The following MSRB3 variants were observed in gnomAD, a reference collection of about 807,000 sequenced individuals.
MSRB3 encodes the protein methionine sulfoxide reductase B3.
A neutral mutation model predicts 21.0 loss-of-function variants in MSRB3; 13 were observed. The ratio of observed to expected loss-of-function variants is 0.62; its 90% confidence interval spans 0.40 to 0.98. MSRB3 has a LOEUF of 0.98. Ranked by LOEUF, MSRB3 falls within the 50% of genes least tolerant of loss-of-function variation. MSRB3 has a pLI of 0.00. For missense variants in MSRB3, 199 were observed against 230.3 expected (o/e 0.86, Z 0.88); for synonymous variants, 87 against 88.6 (o/e 0.98, Z 0.10).
chr12:65,309,726 G>A (rs1873873195), intron 2 of MSRB3, among the ~76,000 whole-genome samples: 1 of 152,180 alleles, frequency 6.6e-6, no homozygotes, highest in Non-Finnish European at 1.5e-5. Flanking sequence ...TCTCAGACTG[G>A]TAGCACAGTT....
intron 5 of MSRB3, among the ~76,000 whole-genome samples, chr12:65,392,478 C>T (rs928104869): frequency 6.6e-6 from 1 of 152,174 alleles, no homozygotes; most frequent in African/African-American, 2.4e-5. Context: ...CATTAGGGCA[C>T]AATTTATGGC....
At chr12:65,461,069 AACAC>A (rs147455687) in intron 6 of MSRB3, among the ~76,000 whole-genome samples, 5 of 151,482 alleles carry the variant, frequency 3.3e-5, no homozygotes. Flanking sequence ...TCTCTCATTA[AACAC>A]ACACACACAC....
chr12:65,327,321 G>C (rs1189607352), intron 3 of MSRB3, among the ~76,000 whole-genome samples: 3 of 152,234 alleles, frequency 2.0e-5, no homozygotes, highest in African/African-American at 7.2e-5. Context: ...TGTAAGTATA[G>C]ACGTTTTGGC....
At chr12:65,446,143 C>A (rs887335303) in intron 5 of MSRB3, among the ~76,000 whole-genome samples, 3 of 152,134 alleles carry the variant, frequency 2.0e-5, no homozygotes, top group Admixed American at 1.3e-4. Flanking sequence ...GGGGACACAT[C>A]CTTATATTTG....
chr12:65,459,761 C>T (rs1346920682), intron 6 of MSRB3, among the ~76,000 whole-genome samples: 5 of 152,192 alleles, frequency 3.3e-5, no homozygotes, highest in South Asian at 4.1e-4. Flanking sequence ...GTGGGAAATA[C>T]ATCAGTGCAG....
rs527649613 is a variant in MSRB3, at chr12:65,345,193, A to G, written c.263+16590A>G. ...GTTTTGGAAGCCTGATAGATTTGAG[A>G]TTTTAACATAAAATTTCAGGTATAT... On this transcript the variant is annotated intron_variant, in intron 4 of 6. Coordinates refer to ENST00000308259, the MANE Select transcript of MSRB3 (RefSeq NM_001031679.3). Among the ~76,000 whole-genome samples the G allele has an allele frequency of 7.9e-5, 12 of 152,186 alleles. No individual in the cohort carries two copies. The South Asian group carries it at 2.3e-3, about 29-fold the overall frequency.
At chr12:65,400,764 G>A (rs190962351) in intron 5 of MSRB3, among the ~76,000 whole-genome samples, 24 of 152,044 alleles carry the variant, frequency 1.6e-4, no homozygotes, top group East Asian at 1.5e-3. Context: ...ATAAATTTCC[G>A]TCTAAACACT....
At chr12:65,375,202 C>T (rs922607631) in intron 5 of MSRB3, among the ~76,000 whole-genome samples, 19 of 152,046 alleles carry the variant, frequency 1.2e-4, no homozygotes, top group African/African-American at 3.9e-4. Context: ...CTCTTCATCC[C>T]GTTTTCTAAA....
chr12:65,417,658 C>T (rs1881051057), intron 5 of MSRB3, among the ~76,000 whole-genome samples: 1 of 152,154 alleles, frequency 6.6e-6, no homozygotes, highest in African/African-American at 2.4e-5. Flanking sequence ...TCCTCTTACC[C>T]TTGGTAACCA....
At chr12:65,279,196 A>T in intron 1 of MSRB3, 1 of 629,774 alleles carries the variant, frequency 1.6e-6, no homozygotes, top group Non-Finnish European at 2.2e-6. Flanking sequence ...CCCAGGAGAG[A>T]GGGATCTGGC....
At chr12:65,456,130 G>T (rs1317553822) in intron 6 of MSRB3, among the ~76,000 whole-genome samples, 1 of 152,152 alleles carries the variant, frequency 6.6e-6, no homozygotes, top group African/African-American at 2.4e-5. Flanking sequence ...ACATTAATTT[G>T]TAACTTAGGT....
At chr12:65,402,716 C>G (rs1317678649) in intron 5 of MSRB3, among the ~76,000 whole-genome samples, 1 of 152,152 alleles carries the variant, frequency 6.6e-6, no homozygotes, top group African/African-American at 2.4e-5. Flanking sequence ...AATTTTCAGC[C>G]ATTTTGCGCT....
At chr12:65,300,612 TCAAGCAGGTAATTCTCTAAG>T in intron 1 of MSRB3, among the ~76,000 whole-genome samples, 1 of 152,318 alleles carries the variant, frequency 6.6e-6, no homozygotes, top group Non-Finnish European at 1.5e-5. Flanking sequence ...CCATTTAACC[TCAAGCAGGTAATTCTCTAAG>T]CTTCAGTTTC....
At chr12:65,362,477 A>AT (rs901798867) in intron 4 of MSRB3, among the ~76,000 whole-genome samples, 1 of 152,092 alleles carries the variant, frequency 6.6e-6, no homozygotes, top group Non-Finnish European at 1.5e-5. Context: ...ATCCCTGGGG[A>AT]GTGCACATTT....
chr12:65,463,020 C>T (rs1052489158), intron 6 of MSRB3, 135 bp from the exon 7 acceptor site: 47 of 1,090,382 alleles, frequency 4.3e-5, no homozygotes, highest in Non-Finnish European at 5.7e-5. Context: ...TATTGACAGG[C>T]GGATTAGAAA....
chr12:65,354,628 A>C (rs767273563), intron 4 of MSRB3, among the ~76,000 whole-genome samples: 1 of 151,824 alleles, frequency 6.6e-6, no homozygotes, highest in Non-Finnish European at 1.5e-5. Context: ...CCATTCGTTT[A>C]ATTTTTTTTT....
chr12:65,319,015 T>C (rs146452134), intron 2 of MSRB3, among the ~76,000 whole-genome samples: 2,154 of 152,300 alleles, frequency 0.014, 56 homozygotes, highest in African/African-American at 0.049. Flanking sequence ...AAACTTCTAT[T>C]GTTTCCCAAC....
intron 5 of MSRB3, among the ~76,000 whole-genome samples, chr12:65,410,423 AGGCAGGC>A (rs1171848315): frequency 3.9e-5 from 6 of 152,108 alleles, no homozygotes; most frequent in Non-Finnish European, 8.8e-5. Flanking sequence ...TGGGAGGCCG[AGGCAGGC>A]GGATCACTTG....
intron 5 of MSRB3, among the ~76,000 whole-genome samples, chr12:65,416,298 A>G (rs959219157): frequency 6.6e-6 from 1 of 152,212 alleles, no homozygotes; most frequent in Non-Finnish European, 1.5e-5. Flanking sequence ...GAACACAGGA[A>G]GACTTACCCT....
Sources: allele counts gnomAD v4.1 joint callset (sites outside exome capture counted in the v4.1 genomes callset), GRCh38; gene constraint gnomAD v4.1.1; transcripts MANE v1.5; gene names NCBI Gene and HGNC (gene_info 2026-07-23, HGNC 2026-07-21).